MEF2C: variants seen among roughly 807,000 people sequenced by gnomAD.
The protein encoded by MEF2C is myocyte-specific enhancer factor 2C.
A neutral mutation model predicts 50.5 loss-of-function variants in MEF2C; 6 were observed. That is an observed-to-expected ratio of 0.12 (90% CI 0.07 to 0.23). The LOEUF is 0.23. MEF2C is among the 10% of genes least tolerant of loss of function. The probability of loss-of-function intolerance (pLI) is 1.00; values close to 1 mark genes in which losing one functional copy is unlikely to be tolerated. For synonymous variants in MEF2C, 183 were observed against 228.0 expected, an observed-to-expected ratio of 0.80 and a Z score of 1.78; for missense variants, 276 against 605.0, an observed-to-expected ratio of 0.46 and a Z score of 5.70.
chr5:88,797,335 ATAGT>A (rs912807590), intron 3 of MEF2C, among the ~76,000 whole-genome samples: 2 of 151,816 alleles, frequency 1.3e-5, no homozygotes, highest in Non-Finnish European at 2.9e-5. Flanking sequence ...TATATTTAAG[ATAGT>A]TAGCTCTTCT....
chr5:88,747,940 G>T, intron 6 of MEF2C: 1 of 547,334 alleles, frequency 1.8e-6, no homozygotes, highest in Non-Finnish European at 2.3e-6. Flanking sequence ...TCATTTCCAT[G>T]TCCAGCAAAA....
chr5:88,771,609 G>C, intron 3 of MEF2C: 2 of 985,288 alleles, frequency 2.0e-6, no homozygotes, highest in Non-Finnish European at 2.4e-6. Flanking sequence ...ACAGGGCTTG[G>C]GTAATATGTG....
chr5:88,833,010 GTTC>G (rs1401828526), intron 1 of MEF2C, among the ~76,000 whole-genome samples: 2 of 152,060 alleles, frequency 1.3e-5, no homozygotes, highest in Non-Finnish European at 1.5e-5. Flanking sequence ...ACATGTAATT[GTTC>G]TTATGACTCA....
At chr5:88,879,371 A>G (rs1212861378) in intron 1 of MEF2C, among the ~76,000 whole-genome samples, 2 of 110,914 alleles carry the variant, frequency 1.8e-5, no homozygotes. Context: ...AACATTCATG[A>G]AATATATATA....
At chr5:88,869,046 T>C (rs1051417427) in intron 1 of MEF2C, among the ~76,000 whole-genome samples, 6 of 151,734 alleles carry the variant, frequency 4.0e-5, no homozygotes, top group Non-Finnish European at 8.8e-5. Context: ...AAAGATAATT[T>C]AGCAATTAAT....
At chr5:88,816,614 T>G (rs1002862408) in intron 2 of MEF2C, among the ~76,000 whole-genome samples, 8 of 151,752 alleles carry the variant, frequency 5.3e-5, no homozygotes, top group African/African-American at 1.9e-4. Flanking sequence ...ATTTTAAGAT[T>G]AATAAAAGAA....
At chr5:88,845,936 G>T (rs557215178) in intron 1 of MEF2C, among the ~76,000 whole-genome samples, 2 of 151,908 alleles carry the variant, frequency 1.3e-5, no homozygotes, top group East Asian at 1.9e-4. Flanking sequence ...CATAATAAAA[G>T]ATTTTTCTTA....
rs1439248370 is a variant in MEF2C at position 88,720,757 on chromosome 5, TC to T, written c.*1846del. ...ACTTATTAAAGGGTCTGAAAATTAA[TC>T]CCTTATAGACGAATATTAGACAAGA... On this transcript the variant is annotated 3_prime_UTR_variant, in exon 11 of 11. Coordinates refer to ENST00000504921, the MANE Select transcript of MEF2C (RefSeq NM_002397.5). 1 of 151,976 alleles carries T rather than the reference TC, an allele frequency of 6.6e-6. No individual in the cohort carries two copies. The highest frequency in any genetic ancestry group is 1.5e-5 in the Non-Finnish European group (1 of 67,862). 9.4% of individuals were successfully genotyped at this position (151,976 alleles called of 1,614,324 possible).
intron 6 of MEF2C, chr5:88,733,051 GA>G: frequency 1.0e-6 from 1 of 983,076 alleles, no homozygotes; most frequent in Non-Finnish European, 1.2e-6. Context: ...CATACTCATG[GA>G]AAACATAAAG....
chr5:88,796,929 T>A (rs1796257716), intron 3 of MEF2C, among the ~76,000 whole-genome samples: 1 of 152,174 alleles, frequency 6.6e-6, no homozygotes, highest in Non-Finnish European at 1.5e-5. Flanking sequence ...TGTAGTTGTG[T>A]GGTTTTGAGT....
intron 2 of MEF2C, among the ~76,000 whole-genome samples, chr5:88,817,464 C>A (rs998229130): frequency 6.6e-6 from 1 of 151,792 alleles, no homozygotes; most frequent in South Asian, 2.1e-4. Context: ...ATTTATAATT[C>A]ATATGAAGAG....
intron 3 of MEF2C, among the ~76,000 whole-genome samples, chr5:88,768,124 C>T (rs1780820788): frequency 6.6e-6 from 1 of 152,224 alleles, no homozygotes; most frequent in Non-Finnish European, 1.5e-5. Flanking sequence ...TTCATTCAGG[C>T]ACTCATTTTA....
intron 3 of MEF2C, among the ~76,000 whole-genome samples, chr5:88,770,702 A>C (rs1172173229): frequency 2.0e-5 from 3 of 152,056 alleles, no homozygotes; most frequent in Non-Finnish European, 4.4e-5. Flanking sequence ...ACCTATCGTT[A>C]TTCTTTCTAT....
chr5:88,815,456 A>C (rs1399802398), intron 2 of MEF2C, among the ~76,000 whole-genome samples: 1 of 152,114 alleles, frequency 6.6e-6, no homozygotes, highest in African/African-American at 2.4e-5. Context: ...TTCTTTAGTT[A>C]AACTGTTCCA....
chr5:88,746,999 T>G (rs1770033863), intron 6 of MEF2C, among the ~76,000 whole-genome samples: 1 of 152,346 alleles, frequency 6.6e-6, no homozygotes, highest in East Asian at 1.9e-4. Flanking sequence ...TTTTCTTCTA[T>G]TTCTGAATTA....
At chr5:88,828,666 C>T (rs574404731) in intron 1 of MEF2C, among the ~76,000 whole-genome samples, 4 of 152,040 alleles carry the variant, frequency 2.6e-5, no homozygotes, top group Non-Finnish European at 5.9e-5. Flanking sequence ...GAAAACTTTG[C>T]TCAATATGTT....
chr5:88,791,916 T>C (rs1793938124), intron 3 of MEF2C, among the ~76,000 whole-genome samples: 1 of 152,030 alleles, frequency 6.6e-6, no homozygotes, highest in African/African-American at 2.4e-5. Flanking sequence ...TAAATCTTTA[T>C]GGAAAATACT....
chr5:88,721,959 G>C lies in MEF2C; in HGVS notation c.*645C>G, dbSNP rs1756473641. On this transcript the variant is annotated 3_prime_UTR_variant, in exon 11 of 11. Transcript: ENST00000504921. ...ATATTTTTATTTAATAAGAGATGCAGACCCAGATTTATTTATTTATTTAAT... is the reference window on the plus strand; with the variant it reads ...ATATTTTTATTTAATAAGAGATGCACACCCAGATTTATTTATTTATTTAAT... 1 of 152,538 alleles carries C rather than the reference G, an allele frequency of 6.6e-6. No homozygotes were observed. Among genetic ancestry groups the C allele is most frequent in the African/African-American group, 2.4e-5 (1 of 41,428 alleles). 9.4% of individuals were successfully genotyped at this position (152,538 alleles called of 1,614,324 possible).
At chr5:88,831,636 AGAAG>A (rs1813078433) in intron 1 of MEF2C, among the ~76,000 whole-genome samples, 2 of 152,062 alleles carry the variant, frequency 1.3e-5, no homozygotes, top group African/African-American at 2.4e-5. Flanking sequence ...CTTCACATTT[AGAAG>A]GTTTACACAG....
Sources: gnomAD v4.1 joint callset for allele counts (sites outside exome capture counted in the v4.1 genomes callset) on GRCh38, gnomAD v4.1.1 for gene constraint, MANE v1.5 for transcripts, NCBI Gene and HGNC (gene_info 2026-07-23, HGNC 2026-07-21) for gene names.